The following DLG2 variants were observed in gnomAD, a reference collection of about 807,000 sequenced individuals.
DLG2 encodes the protein disks large homolog 2.
In DLG2, 45 loss-of-function variants were observed where a neutral mutation model predicts 132.5. That is an observed-to-expected ratio of 0.34 (90% CI 0.27 to 0.44). The LOEUF (loss-of-function observed/expected upper bound fraction) is 0.44. Among genes scored for constraint, DLG2 ranks in the 20% least tolerant of loss-of-function variants. The probability of loss-of-function intolerance (pLI) is 1.00; values close to 1 mark genes in which losing one functional copy is unlikely to be tolerated. For missense variants in DLG2, 1,045 were observed against 1,196.9 expected (o/e 0.87, Z 1.87); for synonymous variants, 424 against 419.6 (o/e 1.01, Z -0.13).
intron 3 of DLG2, among the ~76,000 whole-genome samples, chr11:85,352,108 G>A (rs907883388): frequency 6.6e-6 from 1 of 151,958 alleles, no homozygotes; most frequent in African/African-American, 2.4e-5. Flanking sequence ...GTCTATTCAG[G>A]GATTCAACTT....
chr11:83,819,715 G>A (rs1297790457), intron 17 of DLG2, among the ~76,000 whole-genome samples: 1 of 152,048 alleles, frequency 6.6e-6, no homozygotes, highest in East Asian at 1.9e-4. Context: ...CTCCAGGAAA[G>A]ATTCTGAACA....
At chr11:85,092,220 CT>C (rs140037841) in intron 6 of DLG2, among the ~76,000 whole-genome samples, 2 of 151,956 alleles carry the variant, frequency 1.3e-5, no homozygotes, top group Non-Finnish European at 2.9e-5. Flanking sequence ...TGAAAGAGAT[CT>C]TTTTTTCTGA....
At chr11:84,242,993 TTCTCTC>T (rs145284405) in intron 8 of DLG2, among the ~76,000 whole-genome samples, 38 of 125,098 alleles carry the variant, frequency 3.0e-4, no homozygotes, top group African/African-American at 9.9e-4. Flanking sequence ...ATTAATTAGG[TTCTCTC>T]TCTCTCTCTC....
At chr11:85,064,014 C>G (rs1001680457) in intron 6 of DLG2, among the ~76,000 whole-genome samples, 5 of 151,756 alleles carry the variant, frequency 3.3e-5, no homozygotes, top group African/African-American at 1.2e-4. Context: ...AAAAATAACA[C>G]AAATACAAGG....
chr11:84,934,322 C>G (rs753794126), intron 6 of DLG2, among the ~76,000 whole-genome samples: 1 of 151,220 alleles, frequency 6.6e-6, no homozygotes, highest in Admixed American at 6.6e-5. Flanking sequence ...AGAATATTGG[C>G]CTGAAGTTTT....
At chr11:83,607,458 G>C (rs572782624) in intron 19 of DLG2, among the ~76,000 whole-genome samples, 1 of 152,126 alleles carries the variant, frequency 6.6e-6, no homozygotes, top group East Asian at 1.9e-4. Flanking sequence ...CACTGTCCCC[G>C]CTGTTCTCTT....
At chr11:84,667,074 A>C (rs974476269) in intron 6 of DLG2, among the ~76,000 whole-genome samples, 4 of 152,136 alleles carry the variant, frequency 2.6e-5, no homozygotes, top group African/African-American at 9.7e-5. Flanking sequence ...CACAATTTAA[A>C]ATATCCGTTA....
intron 16 of DLG2, among the ~76,000 whole-genome samples, chr11:83,855,277 C>G (rs1424712517): frequency 6.6e-6 from 1 of 152,128 alleles, no homozygotes; most frequent in Non-Finnish European, 1.5e-5. Flanking sequence ...CAAAACTAAA[C>G]ATACTCTTAC....
intron 3 of DLG2, among the ~76,000 whole-genome samples, chr11:85,530,531 T>G (rs1474374384): frequency 2.0e-5 from 3 of 151,494 alleles, no homozygotes; most frequent in Non-Finnish European, 4.4e-5. Flanking sequence ...CCATATTGGC[T>G]AGGCTGGTCT....
rs573857212 is a variant in DLG2 at position 83,636,176 on chromosome 11, C to G, written c.1826-2851G>C. Among the ~76,000 whole-genome samples, 4 of 152,270 alleles carry G rather than the reference C, an allele frequency of 2.6e-5. 1 individual carries two copies. In the South Asian group the frequency reaches 8.3e-4, roughly 32 times the overall value. On this transcript the variant is annotated intron_variant, in intron 18 of 27. Coordinates refer to ENST00000376104, the MANE Select transcript of DLG2 (RefSeq NM_001142699.3). ...CTTAAACATCTAACTCTGTGCAAGT[C>G]CCAACCCTCATTTAATCACTTTGCT...
chr11:85,436,190 C>G (rs1354380929), intron 3 of DLG2, among the ~76,000 whole-genome samples: 1 of 152,038 alleles, frequency 6.6e-6, no homozygotes, highest in Non-Finnish European at 1.5e-5. Flanking sequence ...AATCTGAAAC[C>G]CAAAACCATA....
chr11:85,483,334 T>A (rs923921351), intron 3 of DLG2, among the ~76,000 whole-genome samples: 1 of 152,154 alleles, frequency 6.6e-6, no homozygotes, highest in African/African-American at 2.4e-5. Context: ...TGTAAAAAAT[T>A]TTTTTTAAAA....
chr11:85,015,975 C>CA (rs1264800108), intron 6 of DLG2, among the ~76,000 whole-genome samples: 3 of 151,710 alleles, frequency 2.0e-5, no homozygotes, highest in Non-Finnish European at 4.4e-5. Flanking sequence ...ATGTCTACTA[C>CA]AAAAAAGTCA....
At chr11:85,424,098 G>A (rs781102533) in intron 3 of DLG2, among the ~76,000 whole-genome samples, 4 of 152,054 alleles carry the variant, frequency 2.6e-5, no homozygotes, top group South Asian at 4.1e-4. Flanking sequence ...CCATTGCTTC[G>A]TCTACCACTG....
intron 19 of DLG2, among the ~76,000 whole-genome samples, chr11:83,599,933 G>C (rs1404076758): frequency 6.6e-6 from 1 of 152,144 alleles, no homozygotes; most frequent in East Asian, 1.9e-4. Context: ...ATATTTCTAG[G>C]AACATTTATT....
chr11:85,389,481 G>C (rs1313525992), intron 3 of DLG2, among the ~76,000 whole-genome samples: 2 of 152,094 alleles, frequency 1.3e-5, no homozygotes, highest in African/African-American at 2.4e-5. Context: ...TAGAGATCTA[G>C]ACATTCAAAT....
intron 19 of DLG2, among the ~76,000 whole-genome samples, chr11:83,577,914 T>A (rs1281537002): frequency 1.6e-5 from 2 of 126,940 alleles, no homozygotes; most frequent in Admixed American, 9.2e-5. Context: ...ATATGTATAA[T>A]TATATATATT....
At chr11:83,885,919 G>C (rs1244591718) in intron 15 of DLG2, among the ~76,000 whole-genome samples, 1 of 152,140 alleles carries the variant, frequency 6.6e-6, no homozygotes, top group Non-Finnish European at 1.5e-5. Context: ...GTCACCACCA[G>C]GCCTGCCCTA....
At chr11:84,730,556 T>C (rs1468326793) in intron 6 of DLG2, among the ~76,000 whole-genome samples, 1 of 152,046 alleles carries the variant, frequency 6.6e-6, no homozygotes, top group African/African-American at 2.4e-5. Context: ...CAAAGGCAAA[T>C]TGATCATTGT....
Sources: gnomAD v4.1 joint callset for allele counts (sites outside exome capture counted in the v4.1 genomes callset) on GRCh38, gnomAD v4.1.1 for gene constraint, MANE v1.5 for transcripts, NCBI Gene and HGNC (gene_info 2026-07-23, HGNC 2026-07-21) for gene names.